The following MAST4 variants were observed in gnomAD, a reference collection of about 807,000 sequenced individuals.
The protein encoded by MAST4 is microtubule associated serine/threonine kinase family member 4.
A neutral mutation model predicts 162.7 loss-of-function variants in MAST4; 89 were observed. The observed-to-expected ratio is 0.55, with a 90% confidence interval of 0.46 to 0.65. MAST4 has a LOEUF of 0.65. Ranked by LOEUF, MAST4 falls within the 30% of genes least tolerant of loss-of-function variation. The pLI, the probability that MAST4 is intolerant of heterozygous loss-of-function variation, is 0.00. For missense variants in MAST4, 3,153 were observed against 3,374.0 expected (o/e 0.93, Z 1.62); for synonymous variants, 1,479 against 1,361.1 (o/e 1.09, Z -1.91).
chr5:66,787,635 A>T (rs989264778), intron 2 of MAST4, among the ~76,000 whole-genome samples: 1 of 152,238 alleles, frequency 6.6e-6, no homozygotes, highest in African/African-American at 2.4e-5. Context: ...CCTGTGCTGC[A>T]GGGCCACCAG....
chr5:67,154,190 C>T (rs1430449043), intron 26 of MAST4, among the ~76,000 whole-genome samples: 1 of 152,182 alleles, frequency 6.6e-6, no homozygotes, highest in Non-Finnish European at 1.5e-5. Context: ...GGAAGCATGA[C>T]TGTAAATGGA....
intron 3 of MAST4, among the ~76,000 whole-genome samples, chr5:66,790,550 A>T (rs1247966868): frequency 1.3e-5 from 2 of 151,970 alleles, no homozygotes; most frequent in African/African-American, 4.8e-5. Context: ...GTTCATTTTT[A>T]TTTTCATTTT....
intron 2 of MAST4, among the ~76,000 whole-genome samples, chr5:66,785,047 A>C (rs1248633937): frequency 6.6e-6 from 1 of 152,136 alleles, no homozygotes; most frequent in Admixed American, 6.6e-5. Context: ...CCATTGTACA[A>C]CATGGTAAAA....
intron 15 of MAST4, among the ~76,000 whole-genome samples, chr5:67,130,890 A>G (rs1768890712): frequency 6.6e-6 from 1 of 152,132 alleles, no homozygotes; most frequent in South Asian, 2.1e-4. Context: ...TTTCTTTAAG[A>G]GGTTTATGGA....
chr5:66,620,198 G>A (rs1205393234), intron 1 of MAST4, among the ~76,000 whole-genome samples: 1 of 151,956 alleles, frequency 6.6e-6, no homozygotes, highest in Non-Finnish European at 1.5e-5. Flanking sequence ...ATAGTAGAAG[G>A]TGGATGCTTG....
At chr5:66,774,151 A>G (rs1202187140) in intron 2 of MAST4, among the ~76,000 whole-genome samples, 1 of 152,240 alleles carries the variant, frequency 6.6e-6, no homozygotes, top group Non-Finnish European at 1.5e-5. Context: ...CTTTTATTAA[A>G]ACTTCTGAAA....
At chr5:66,700,375 T>C (rs1238350136) in intron 1 of MAST4, among the ~76,000 whole-genome samples, 2 of 152,198 alleles carry the variant, frequency 1.3e-5, no homozygotes, top group Non-Finnish European at 2.9e-5. Context: ...TTAATCTTGA[T>C]AAAATCCTTT....
intron 4 of MAST4, chr5:66,958,916 A>C: frequency 3.5e-6 from 1 of 285,952 alleles, no homozygotes; most frequent in Admixed American, 4.5e-5. Context: ...TTTTCATTTC[A>C]CTGAGGTGAA....
intron 19 of MAST4, among the ~76,000 whole-genome samples, chr5:67,139,932 T>C (rs1379178648): frequency 1.3e-5 from 2 of 152,210 alleles, no homozygotes; most frequent in African/African-American, 4.8e-5. Flanking sequence ...CTATGGGCTG[T>C]AAATCCTTGA....
intron 3 of MAST4, among the ~76,000 whole-genome samples, chr5:66,803,071 G>C (rs1755999652): frequency 6.6e-6 from 1 of 152,114 alleles, no homozygotes; most frequent in Non-Finnish European, 1.5e-5. Flanking sequence ...TTGGACATCT[G>C]TCCCTTAACC....
intron 4 of MAST4, chr5:66,930,659 G>A: frequency 2.1e-6 from 1 of 467,118 alleles, no homozygotes; most frequent in Non-Finnish European, 4.4e-6. Flanking sequence ...ATATATATTT[G>A]ACCCTTTGAC....
chr5:67,050,399 T>G (rs990324899), intron 4 of MAST4, among the ~76,000 whole-genome samples: 2 of 152,154 alleles, frequency 1.3e-5, no homozygotes, highest in African/African-American at 4.8e-5. Flanking sequence ...GTGACATTCT[T>G]ACACGCAGTG....
intron 7 of MAST4, among the ~76,000 whole-genome samples, chr5:67,098,733 C>T (rs1428519060): frequency 6.6e-6 from 1 of 152,102 alleles, no homozygotes; most frequent in Non-Finnish European, 1.5e-5. Context: ...GGACCCTTCT[C>T]TGAAGTCAAT....
intron 10 of MAST4, 43 bp from the exon 11 acceptor site, chr5:67,110,055 G>T: frequency 7.1e-7 from 1 of 1,405,692 alleles, no homozygotes; most frequent in Non-Finnish European, 1.0e-6. Flanking sequence ...TCCATTTAAT[G>T]GAACAACTCT....
At chr5:66,794,874 A>G (rs951501031) in intron 3 of MAST4, among the ~76,000 whole-genome samples, 1 of 152,242 alleles carries the variant, frequency 6.6e-6, no homozygotes, top group Admixed American at 6.5e-5. Flanking sequence ...AAACTGTAAT[A>G]TATTCAAAGA....
At chr5:67,158,608 C>G (rs1772824393) in intron 26 of MAST4, among the ~76,000 whole-genome samples, 1 of 151,902 alleles carries the variant, frequency 6.6e-6, no homozygotes, top group Admixed American at 6.6e-5. Flanking sequence ...TTAAAGAACT[C>G]TAAAACTAAT....
intron 4 of MAST4, among the ~76,000 whole-genome samples, chr5:67,020,523 G>C (rs1186527881): frequency 6.6e-6 from 1 of 152,212 alleles, no homozygotes; most frequent in Non-Finnish European, 1.5e-5. Context: ...TTTTGGGATA[G>C]ATGGGCTTAC....
chr5:66,779,799 G>C (rs258261), intron 2 of MAST4, among the ~76,000 whole-genome samples: 131,142 of 152,166 alleles, frequency 0.86, 56,713 homozygotes, highest in African/African-American at 0.92. Context: ...GTCATGAATT[G>C]TGCCCAGATT....
intron 4 of MAST4, among the ~76,000 whole-genome samples, chr5:66,922,288 C>G (rs985158370): frequency 3.3e-5 from 5 of 152,152 alleles, no homozygotes; most frequent in South Asian, 2.1e-4. Flanking sequence ...TGAGACTGCT[C>G]CATTTATTGG....
Sources: allele counts gnomAD v4.1 joint callset (sites outside exome capture counted in the v4.1 genomes callset), GRCh38; gene constraint gnomAD v4.1.1; transcripts MANE v1.5; gene names NCBI Gene and HGNC (gene_info 2026-07-23, HGNC 2026-07-21).